The following TDP1 variants were observed in gnomAD, a reference collection of about 807,000 sequenced individuals.
TDP1 encodes tyrosyl-DNA phosphodiesterase 1.
TDP1 carries 64 observed loss-of-function variants against 81.5 expected under a neutral mutation model. That is an observed-to-expected ratio of 0.79 (90% CI 0.64 to 0.97). The LOEUF (loss-of-function observed/expected upper bound fraction) is 0.97. TDP1 is among the 50% of genes least tolerant of loss of function. TDP1 has a pLI of 0.00. For synonymous variants in TDP1, 256 were observed against 264.3 expected (o/e 0.97, Z 0.30); for missense variants, 723 against 743.8 (o/e 0.97, Z 0.33).
At chr14:90,011,563 G>A (rs1884708111) in intron 14 of TDP1, among the ~76,000 whole-genome samples, 1 of 152,236 alleles carries the variant, frequency 6.6e-6, no homozygotes, top group Admixed American at 6.5e-5. Flanking sequence ...CCCAGATGGA[G>A]ATGAGAAACT....
chr14:89,960,600 T>C (rs1179894221), intron 2 of TDP1, among the ~76,000 whole-genome samples: 6 of 152,358 alleles, frequency 3.9e-5, no homozygotes, highest in Admixed American at 2.0e-4. Flanking sequence ...CTAGGGTCAC[T>C]ATTACAGGAG....
chr14:90,038,555 T>C (rs180912765), intron 16 of TDP1, among the ~76,000 whole-genome samples: 322 of 152,306 alleles, frequency 2.1e-3, no homozygotes, highest in Non-Finnish European at 3.8e-3. Context: ...ATTGTTGGTA[T>C]GGCTGGATGT....
At chr14:89,992,100 A>G in intron 13 of TDP1, 117 bp downstream of exon 13, 3 of 846,122 alleles carry the variant, frequency 3.5e-6, no homozygotes, top group Non-Finnish European at 5.7e-6. Context: ...ATATTCTTTC[A>G]TCTACATATG....
At chr14:90,000,825 C>T (rs576668858) in intron 14 of TDP1, among the ~76,000 whole-genome samples, 1 of 152,328 alleles carries the variant, frequency 6.6e-6, no homozygotes, top group Non-Finnish European at 1.5e-5. Flanking sequence ...AAAGACTGAA[C>T]CTCTGGCTCC....
intron 14 of TDP1, among the ~76,000 whole-genome samples, chr14:90,013,219 G>T (rs920084699): frequency 6.6e-6 from 1 of 152,196 alleles, no homozygotes; most frequent in Non-Finnish European, 1.5e-5. Context: ...GGGAAGGCAT[G>T]ATTGGTTTTG....
intron 5 of TDP1, among the ~76,000 whole-genome samples, chr14:89,970,240 C>T (rs1273960086): frequency 6.6e-6 from 1 of 152,162 alleles, no homozygotes; most frequent in Admixed American, 6.5e-5. Context: ...CCCTCAAAAG[C>T]CTTTTTAATG....
chr14:89,956,656 G>A lies in TDP1; in HGVS notation c.-152G>A, dbSNP rs1770890695. 1 of 152,316 alleles carries A rather than the reference G, an allele frequency of 6.6e-6. No individual in the cohort carries two copies. The highest frequency in any genetic ancestry group is 1.5e-5 in the Non-Finnish European group (1 of 68,144). 9.4% of individuals were successfully genotyped at this position (152,316 alleles called of 1,614,324 possible). A position where few individuals can be genotyped will look rare whatever the true frequency, so the allele number is the denominator to read the frequency against. On this transcript the variant is annotated 5_prime_UTR_variant, in exon 2 of 17. Coordinates refer to ENST00000335725, the MANE Select transcript of TDP1 (RefSeq NM_018319.4). ...CTCACGCCTGTCATCCTAGCACTTT[G>A]GGAGGCCGAGGCGGCTGAATCACTT...
intron 10 of TDP1, among the ~76,000 whole-genome samples, chr14:89,987,259 T>C (rs1895670280): frequency 6.6e-6 from 1 of 152,128 alleles, no homozygotes; most frequent in Admixed American, 6.5e-5. Context: ...CAAATATGTG[T>C]GGGGTTTTCC....
chr14:89,958,794 C>T (rs748056967), intron 2 of TDP1, among the ~76,000 whole-genome samples: 1 of 152,230 alleles, frequency 6.6e-6, no homozygotes, highest in African/African-American at 2.4e-5. Context: ...TGGGGCCCTG[C>T]CCCTATCTGC....
chr14:89,975,655 C>A, intron 6 of TDP1, 126 bp from the exon 7 acceptor site: 2 of 977,170 alleles, frequency 2.0e-6, no homozygotes, highest in Non-Finnish European at 3.2e-6. Flanking sequence ...CAAGGGCTTG[C>A]CTGGTAGAGA....
intron 15 of TDP1, among the ~76,000 whole-genome samples, chr14:90,023,582 A>T (rs2140284856): frequency 6.6e-6 from 1 of 152,360 alleles, no homozygotes; most frequent in East Asian, 1.9e-4. Flanking sequence ...GATATAGCAC[A>T]TTGCATGTAT....
In TDP1 at chr14:89,965,340, C is replaced by T. The variant is rs184638543; in HGVS notation, c.560-807C>T. 4.1e-5 allele frequency among the ~76,000 whole-genome samples: 6 copies of T among 147,384 alleles called. No homozygotes were observed. The East Asian group carries it at 1.2e-3, about 29-fold the overall frequency. On this transcript the variant is annotated intron_variant, in intron 3 of 16. Transcript: ENST00000335725. ...GAGCCAGACAGCCTAGGTTCAAACC[C>T]CGACTGTACCCCTTTCTAGCTGTGT...
chr14:90,032,750 G>A (rs1237503761), intron 15 of TDP1: 3 of 985,076 alleles, frequency 3.0e-6, no homozygotes, highest in Admixed American at 1.2e-4. Flanking sequence ...AGTATTTTGA[G>A]GTATTTTTAT....
intron 14 of TDP1, among the ~76,000 whole-genome samples, chr14:90,007,361 G>A (rs34394046): frequency 1.2e-4 from 19 of 152,226 alleles, no homozygotes; most frequent in African/African-American, 4.1e-4. Context: ...AGCCAAGGCC[G>A]GTGGATCAGT....
intron 14 of TDP1, among the ~76,000 whole-genome samples, chr14:89,999,683 A>G (rs1177193656): frequency 6.6e-6 from 1 of 152,232 alleles, no homozygotes; most frequent in Non-Finnish European, 1.5e-5. Context: ...GACTTTAAAA[A>G]ATAATCTAGA....
At chr14:89,999,469 T>C (rs1012939045) in intron 14 of TDP1, among the ~76,000 whole-genome samples, 1 of 152,218 alleles carries the variant, frequency 6.6e-6, no homozygotes, top group African/African-American at 2.4e-5. Context: ...CAAAGGTAAA[T>C]ACATCAAAAG....
intron 5 of TDP1, 126 bp downstream of exon 5, chr14:89,967,548 C>A: frequency 1.2e-6 from 1 of 806,294 alleles, no homozygotes; most frequent in Non-Finnish European, 2.2e-6. Flanking sequence ...TGAAATCACA[C>A]AGACATTAAG....
chr14:89,965,864 T>C, intron 3 of TDP1: 1 of 984,806 alleles, frequency 1.0e-6, no homozygotes, highest in Non-Finnish European at 1.2e-6. Flanking sequence ...GTATCATTAT[T>C]GTCCATATTG....
At chr14:90,017,218 GCA>G (rs1195511453) in intron 14 of TDP1, among the ~76,000 whole-genome samples, 1 of 149,724 alleles carries the variant, frequency 6.7e-6, no homozygotes. Context: ...GTGTGTGCAC[GCA>G]CACACACACA....
Sources: allele counts gnomAD v4.1 joint callset (sites outside exome capture counted in the v4.1 genomes callset), GRCh38; gene constraint gnomAD v4.1.1; transcripts MANE v1.5; gene names NCBI Gene and HGNC (gene_info 2026-07-23, HGNC 2026-07-21).